The following GPR137C variants were observed in gnomAD, a reference collection of about 807,000 sequenced individuals.
GPR137C encodes G protein-coupled receptor 137C, also known as integral membrane protein GPR137C.
In GPR137C, 27 loss-of-function variants were observed where a neutral mutation model predicts 43.4. The observed-to-expected ratio is 0.62, with a 90% CI of 0.46 to 0.86. The LOEUF is 0.86. GPR137C is among the 40% of genes least tolerant of loss of function. The pLI is 0.00. For synonymous variants in GPR137C, 285 were observed against 226.9 expected (o/e 1.26, Z -2.30); for missense variants, 522 against 534.6 (o/e 0.98, Z 0.23).
intron 3 of GPR137C, among the ~76,000 whole-genome samples, chr14:52,623,450 C>T (rs1201878567): frequency 6.6e-6 from 1 of 152,102 alleles, no homozygotes; most frequent in Non-Finnish European, 1.5e-5. Context: ...TGGCCATTTC[C>T]TTTCTAGTCT....
chr14:52,597,768 T>C (rs1360676136), intron 1 of GPR137C, among the ~76,000 whole-genome samples: 4 of 152,224 alleles, frequency 2.6e-5, no homozygotes, highest in Non-Finnish European at 4.4e-5. Flanking sequence ...TAAGGCTTTA[T>C]AAAAGAAGAA....
chr14:52,620,364 A>G (rs948395178), intron 3 of GPR137C, among the ~76,000 whole-genome samples: 4 of 152,100 alleles, frequency 2.6e-5, no homozygotes, highest in African/African-American at 7.2e-5. Flanking sequence ...GTTAAAGATA[A>G]AGAAATTTAA....
At chr14:52,576,960 C>T (rs191216063) in intron 1 of GPR137C, among the ~76,000 whole-genome samples, 466 of 152,056 alleles carry the variant, frequency 3.1e-3, no homozygotes, top group African/African-American at 9.9e-3. Flanking sequence ...GAGGCCGAGG[C>T]AGGTGGATCA....
At position 52,616,527 on chromosome 14, in the gene GPR137C, C is replaced by A. The variant is rs939847125; in HGVS notation, c.718-15633C>A. Among the ~76,000 whole-genome samples the A allele has an allele frequency of 3.9e-5, 6 of 152,290 alleles. No individual in the cohort carries two copies. In the East Asian group the frequency reaches 1.2e-3, roughly 29 times the overall value. On this transcript the variant is annotated intron_variant, in intron 3 of 6. Coordinates refer to ENST00000321662, the MANE Select transcript of GPR137C (RefSeq NM_001099652.2). ...CAGGCTTGTCTCAAATTCCTGGCCT[C>A]ATGTGATCCGCCTGCCTCAGCCTCC...
chr14:52,609,743 G>A (rs59752705), intron 3 of GPR137C, among the ~76,000 whole-genome samples: 2,346 of 152,312 alleles, frequency 0.015, 51 homozygotes, highest in African/African-American at 0.053. Flanking sequence ...GGGCTGGGTG[G>A]GAATGCTGGC....
At chr14:52,615,644 G>A (rs147788604) in intron 3 of GPR137C, among the ~76,000 whole-genome samples, 38 of 152,026 alleles carry the variant, frequency 2.5e-4, no homozygotes, top group Non-Finnish European at 5.2e-4. Context: ...CCTTTAATCA[G>A]TGCTTTATAG....
At chr14:52,628,497 T>C (rs563043862) in intron 3 of GPR137C, among the ~76,000 whole-genome samples, 6 of 152,128 alleles carry the variant, frequency 3.9e-5, no homozygotes, top group Non-Finnish European at 7.4e-5. Context: ...ATAATTAAAA[T>C]TTAAAATTTC....
chr14:52,610,875 T>C (rs1161308099), intron 3 of GPR137C, among the ~76,000 whole-genome samples: 3 of 152,236 alleles, frequency 2.0e-5, no homozygotes, highest in Admixed American at 2.0e-4. Context: ...ACCATAGGTC[T>C]CTGCTAGTAA....
intron 1 of GPR137C, among the ~76,000 whole-genome samples, chr14:52,572,224 G>A (rs893183728): frequency 6.6e-5 from 10 of 152,118 alleles, no homozygotes; most frequent in African/African-American, 2.2e-4. Flanking sequence ...AGAAAAAGAG[G>A]GATTCCTCCC....
At chr14:52,588,920 A>T (rs1448934184) in intron 1 of GPR137C, among the ~76,000 whole-genome samples, 1 of 152,248 alleles carries the variant, frequency 6.6e-6, no homozygotes, top group East Asian at 1.9e-4. Flanking sequence ...TTTGAAAATC[A>T]TATATAGAAC....
At chr14:52,595,651 A>G (rs6572852) in intron 1 of GPR137C, among the ~76,000 whole-genome samples, 75,724 of 151,962 alleles carry the variant, frequency 0.5, 19,589 homozygotes, top group East Asian at 0.7. Context: ...TTCTCATGCT[A>G]TGGTTTTCAG....
At chr14:52,598,510 G>T (rs2038884608) in intron 2 of GPR137C, among the ~76,000 whole-genome samples, 195 bp downstream of exon 2, 1 of 152,076 alleles carries the variant, frequency 6.6e-6, no homozygotes, top group African/African-American at 2.4e-5. Flanking sequence ...GAATCAAATT[G>T]AGTAGCCCAC....
At chr14:52,558,990 G>A (rs1481180532) in intron 1 of GPR137C, among the ~76,000 whole-genome samples, 1 of 152,176 alleles carries the variant, frequency 6.6e-6, no homozygotes, top group Non-Finnish European at 1.5e-5. Context: ...GGGAAAATAA[G>A]AGTTTACGCA....
At chr14:52,597,676 C>T (rs2038873004) in intron 1 of GPR137C, among the ~76,000 whole-genome samples, 1 of 152,158 alleles carries the variant, frequency 6.6e-6, no homozygotes, top group Non-Finnish European at 1.5e-5. Flanking sequence ...ACTATGTTCG[C>T]AGAATATACC....
intron 1 of GPR137C, among the ~76,000 whole-genome samples, chr14:52,575,777 G>A (rs568039714): frequency 2.0e-5 from 3 of 152,140 alleles, no homozygotes; most frequent in Non-Finnish European, 2.9e-5. Context: ...TCAATTTCCC[G>A]TGTGTGTTCC....
At chr14:52,555,196 A>G (rs2038174380) in intron 1 of GPR137C, among the ~76,000 whole-genome samples, 2 of 152,170 alleles carry the variant, frequency 1.3e-5, no homozygotes, top group Non-Finnish European at 2.9e-5. Flanking sequence ...GGGGCATCAG[A>G]TGACTTGTTT....
intron 1 of GPR137C, among the ~76,000 whole-genome samples, chr14:52,589,184 A>G (rs1373689337): frequency 6.6e-6 from 1 of 152,200 alleles, no homozygotes; most frequent in Non-Finnish European, 1.5e-5. Flanking sequence ...AGTTAAATTC[A>G]TAAGGACAGA....
intron 1 of GPR137C, among the ~76,000 whole-genome samples, chr14:52,576,421 A>G (rs1290398386): frequency 1.3e-5 from 2 of 152,334 alleles, no homozygotes; most frequent in East Asian, 3.9e-4. Context: ...TAGTGCTGTG[A>G]TAAATATAGA....
intron 1 of GPR137C, among the ~76,000 whole-genome samples, chr14:52,575,498 T>TC (rs561415008): frequency 7.5e-4 from 114 of 152,354 alleles, no homozygotes; most frequent in Non-Finnish European, 1.4e-3. Context: ...GTTAAACTGC[T>TC]CAGTTATTAC....
Sources: gnomAD v4.1 joint callset for allele counts (sites outside exome capture counted in the v4.1 genomes callset) on GRCh38, gnomAD v4.1.1 for gene constraint, MANE v1.5 for transcripts, NCBI Gene and HGNC (gene_info 2026-07-23, HGNC 2026-07-21) for gene names.